The following LMTK3 variants were observed in gnomAD, a reference collection of about 807,000 sequenced individuals.
LMTK3 encodes the protein lemur tail kinase 3, also known as serine/threonine-protein kinase LMTK3.
A neutral mutation model predicts 116.7 loss-of-function variants in LMTK3; 27 were observed. That is an observed-to-expected ratio of 0.23 (90% CI 0.17 to 0.32). The LOEUF (loss-of-function observed/expected upper bound fraction) is 0.32. Ranked by LOEUF, LMTK3 falls within the 10% of genes least tolerant of loss-of-function variation. LMTK3 has a pLI of 1.00. For missense variants in LMTK3, 1,764 were observed against 2,068.5 expected (o/e 0.85, Z 2.86); for synonymous variants, 965 against 971.0 (o/e 0.99, Z 0.11).
chr19:48,501,499 C>T lies in LMTK3; in HGVS notation c.858G>A (p.Gly286=), dbSNP rs755314502. Reference sequence around the variant, plus strand: ...CTACCTTGTAGTTGCTGTGGGCCAGCCCGTAGTCTCCGATGCGCACGGTCA... The same window carrying T: ...CTACCTTGTAGTTGCTGTGGGCCAGTCCGTAGTCTCCGATGCGCACGGTCA... The part of the protein sequence containing the change: ...SDLTVRIGDY[G]LAHSNYKEDY... Residue 286 remains glycine (G), a synonymous_variant, in exon 8 of 15, where the codon GGG becomes GGA. Transcript: ENST00000600059. 9 of 1,612,320 alleles carry T rather than the reference C, an allele frequency of 5.6e-6. No individual in the cohort carries two copies. The South Asian group carries it at 9.9e-5, about 18-fold the overall frequency.
At chr19:48,510,373 C>T (rs1972635670) in intron 2 of LMTK3, 86 bp downstream of exon 2, 1 of 1,504,702 alleles carries the variant, frequency 6.6e-7, no homozygotes, top group Non-Finnish European at 8.9e-7. Context: ...ATTTACTGCC[C>T]CCTTCTCCCC....
intron 14 of LMTK3, among the ~76,000 whole-genome samples, chr19:48,488,754 T>C (rs1972168672): frequency 6.6e-6 from 1 of 150,850 alleles, no homozygotes; most frequent in South Asian, 2.1e-4. Context: ...TTTTTTTTTT[T>C]TTGAGATGGA....
Position 48,487,110 on chromosome 19 carries a change from A to G in LMTK3, c.4367-1321T>C, listed in dbSNP as rs535142501. Reference sequence around the variant, plus strand: ...AGTACAGTGGCACGATCTTGGCTCAATGCAACCTCCACCTCCCAGGTTCAA... The same window carrying G: ...AGTACAGTGGCACGATCTTGGCTCAGTGCAACCTCCACCTCCCAGGTTCAA... On this transcript the variant is annotated intron_variant, in intron 14 of 14. Transcript: ENST00000600059. Among the ~76,000 whole-genome samples, 253 of 146,072 alleles carry G rather than the reference A, an allele frequency of 1.7e-3. 1 individual carries two copies. Among genetic ancestry groups the G allele is most frequent in the African/African-American group, 6.2e-3 (242 of 39,138 alleles).
In LMTK3 at chr19:48,502,422, G is replaced by A. The variant is rs1385641034; in HGVS notation, c.794+11C>T. 4 of 1,582,416 alleles carry A rather than the reference G, an allele frequency of 2.5e-6. 1 individual carries two copies. The African/African-American group carries it at 5.4e-5, about 22-fold the overall frequency. On this transcript the variant is annotated intron_variant, in intron 7 of 14. Coordinates refer to ENST00000600059, the MANE Select transcript of LMTK3 (RefSeq NM_001388485.1). ...TTAGTAGCTCCTCCCGCGGCTCCCC[G>A]GCCCGCCCACCTGTGCACGTAGTTG...
rs1405224065 is a variant in LMTK3 at position 48,497,495 on chromosome 19, T to C, written c.3574A>G (p.Ser1192Gly). 2.7e-6 allele frequency: 4 copies of C among 1,469,052 alleles called. No homozygotes were observed. Among genetic ancestry groups the C allele is most frequent in the South Asian group, 1.4e-5 (1 of 69,270 alleles). The allele number at this position is 1,469,052 out of a possible 1,614,324, so 91.0% of individuals were successfully genotyped here. The change falls in exon 11 of 15, where the codon AGC (serine) becomes GGC (glycine). Residue 1192 changes from serine to glycine, a missense_variant. Coordinates refer to ENST00000600059, the MANE Select transcript of LMTK3 (RefSeq NM_001388485.1). The surrounding 1 kb of genome is among the most constrained non-coding windows in gnomAD (Gnocchi z 5.7). Reference sequence around the variant, plus strand: ...GGCTTGGGGGGGTCCCCGTCTCCGCTGAGTGCCGTGTCTCCGCCGGCCCTG... The same window carrying C: ...GGCTTGGGGGGGTCCCCGTCTCCGCCGAGTGCCGTGTCTCCGCCGGCCCTG... ...DSRAGGDTALSGDGDPPKPER... is the reference protein window; with the variant it reads ...DSRAGGDTALGGDGDPPKPER...
Position 48,498,834 on chromosome 19 carries a change from G to A in LMTK3, c.2235C>T (p.Pro745=), listed in dbSNP as rs542347341. Residue 745 remains proline (P), a synonymous_variant, in exon 11 of 15, where the codon CCC becomes CCT. Transcript: ENST00000600059. The stretch of plus-strand genomic sequence containing the variant: ...GGGGAGCGGGAGGTGGCCCCCGCCC[G>A]GGGTACTGGGGCGCCGCCGCCCCCA... ...PLMGAAAPQY[P]GRGPPPAPPP... 2 of 1,234,924 alleles carry A rather than the reference G, an allele frequency of 1.6e-6. No individual in the cohort carries two copies. The highest frequency in any genetic ancestry group is 1.6e-5 in the African/African-American group (1 of 61,882). The allele number at this position is 1,234,924 out of a possible 1,614,324, so 76.5% of individuals were successfully genotyped here.
chr19:48,509,881 C>A, intron 3 of LMTK3, 142 bp downstream of exon 3: 4 of 909,398 alleles, frequency 4.4e-6, no homozygotes, highest in Non-Finnish European at 6.5e-6. Context: ...TAGGCTGCTT[C>A]CAAGATTCCA....
intron 14 of LMTK3, among the ~76,000 whole-genome samples, chr19:48,490,104 C>T (rs1972196671): frequency 2.0e-5 from 3 of 152,202 alleles, no homozygotes; most frequent in Admixed American, 2.0e-4. Context: ...GCATGTGAAA[C>T]GCCAGGAAAG....
At position 48,493,983 on chromosome 19, in the gene LMTK3, G is replaced by T. The variant is rs1172273609; in HGVS notation, c.3803C>A (p.Ala1268Glu). ...CTCCTCCGCCGGCCCCGGCGCTCCC[G>T]CCCCGCCGGCCTCCCCGCCAGCCGC... ...AGAAGGEAGG[A>E]GAPGPAEEDG... The change falls in exon 12 of 15, where the codon GCG becomes GAG. Residue 1268 changes from alanine to glutamate, a missense_variant. Ala to Glu is a moderately radical substitution (Grantham distance 107). Around this residue, in one of 7 missense-constraint regions of LMTK3, gnomAD observed 281 missense variants for 301.4 expected, o/e 0.93. Coordinates refer to ENST00000600059, the MANE Select transcript of LMTK3 (RefSeq NM_001388485.1). The T allele has an allele frequency of 2.8e-6, 3 of 1,056,014 alleles. No homozygotes were observed. Among genetic ancestry groups the T allele is most frequent in the Non-Finnish European group, 3.4e-6 (3 of 879,510 alleles). 65.4% of individuals were successfully genotyped at this position (1,056,014 alleles called of 1,614,324 possible).
chr19:48,491,343 G>C lies in LMTK3; in HGVS notation c.4228+61C>G. ...CCGACCAAGCCCCTCCCACCCCATA[G>C]ACCCCGCCCCGTCCGCCCCATGGCT... On this transcript the variant is annotated intron_variant, in intron 13 of 14. Transcript: ENST00000600059. This position sits in a 1 kb window ranked among gnomAD's most constrained non-coding sequence, Gnocchi z 5.1. The C allele has an allele frequency of 4.2e-6, 3 of 719,506 alleles. No homozygotes were observed. The highest frequency in any genetic ancestry group is 5.7e-6 in the Non-Finnish European group (3 of 530,662). 44.6% of individuals were successfully genotyped at this position (719,506 alleles called of 1,614,324 possible).
chr19:48,511,649 G>T lies in LMTK3; in HGVS notation c.-73C>A. The T allele has an allele frequency of 1.6e-6, 1 of 630,854 alleles. No individual in the cohort carries two copies. Among genetic ancestry groups the T allele is most frequent in the Non-Finnish European group, 2.5e-6 (1 of 394,096 alleles). The allele number at this position is 630,854 out of a possible 1,614,324, so 39.1% of individuals were successfully genotyped here. ...GGGGGGGGCGGGCCCTCAGCCCCCAGCCATGGGGACCCGCGCGACCCTGGC... is the reference window on the plus strand; with the variant it reads ...GGGGGGGGCGGGCCCTCAGCCCCCATCCATGGGGACCCGCGCGACCCTGGC... On this transcript the variant is annotated 5_prime_UTR_variant, in exon 1 of 15. The change creates a new upstream start codon in the 5' untranslated region. Coordinates refer to ENST00000600059, the MANE Select transcript of LMTK3 (RefSeq NM_001388485.1).
rs397860073 is a variant in LMTK3 at position 48,490,524 on chromosome 19, C to CAAA, written c.4366+581_4366+583dup. ...TGGGCGACAGAGCGAGACTCCGTCT[C>CAAA]AAAAAAAAAAAAAAAAAAAAAAAAA... On this transcript the variant is annotated intron_variant, in intron 14 of 14. Coordinates refer to ENST00000600059, the MANE Select transcript of LMTK3 (RefSeq NM_001388485.1). Among the ~76,000 whole-genome samples, 429 of 47,966 alleles carry CAAA rather than the reference C, an allele frequency of 8.9e-3. 19 individuals carry two copies. Among genetic ancestry groups the CAAA allele is most frequent in the African/African-American group, 0.021 (278 of 12,990 alleles). 31.5% of individuals were successfully genotyped at this position (47,966 alleles called of 152,430 possible).
upstream of LMTK3, chr19:48,513,259 C>T: frequency 1.7e-6 from 2 of 1,172,194 alleles, no homozygotes; most frequent in Non-Finnish European, 2.5e-6. The surrounding 1 kb of genome is among the most constrained non-coding windows in gnomAD (Gnocchi z 5.6). Context: ...TGCCAGGTAT[C>T]GTCCGCAGCG....
At chr19:48,503,811 T>A (rs375387014) in intron 5 of LMTK3, among the ~76,000 whole-genome samples, 1 of 148,152 alleles carries the variant, frequency 6.7e-6, no homozygotes, top group East Asian at 1.9e-4. Flanking sequence ...CTCTCTCTCT[T>A]TTTTTTCCTT....
intron 4 of LMTK3, among the ~76,000 whole-genome samples, chr19:48,509,209 C>T (rs902826345): frequency 6.9e-6 from 1 of 144,672 alleles, no homozygotes; most frequent in East Asian, 2.3e-4. Flanking sequence ...AGCCGGGTGG[C>T]GCGGCGGAGT....
intron 4 of LMTK3, 65 bp downstream of exon 4, chr19:48,509,372 G>GGA: frequency 6.9e-7 from 1 of 1,442,644 alleles, no homozygotes. Context: ...GCAGGGGTGT[G>GGA]GACACAGAAC....
intron 14 of LMTK3, among the ~76,000 whole-genome samples, chr19:48,488,697 G>C (rs1218984896): frequency 1.3e-5 from 2 of 149,872 alleles, no homozygotes; most frequent in Non-Finnish European, 3.0e-5. Flanking sequence ...CCTTCACCTA[G>C]TTAATGACAA....
In LMTK3 at chr19:48,500,655, G is replaced by C. The variant is rs1203887824; in HGVS notation, c.1151+341C>G. Among the ~76,000 whole-genome samples the C allele has an allele frequency of 6.6e-6, 1 of 152,192 alleles. No homozygotes were observed. The highest frequency in any genetic ancestry group is 1.5e-5 in the Non-Finnish European group (1 of 68,032). ...GGTGGGGGGAAGATGCCCATAGAGA[G>C]AGGCTGACGGGACCTGGAGGCAGAG... On this transcript the variant is annotated intron_variant, in intron 10 of 14. Transcript: ENST00000600059. This position sits in a 1 kb window ranked among gnomAD's most constrained non-coding sequence, Gnocchi z 4.0.
intron 5 of LMTK3, among the ~76,000 whole-genome samples, chr19:48,505,729 C>T (rs1293723984): frequency 6.7e-6 from 1 of 150,230 alleles, no homozygotes; most frequent in African/African-American, 2.5e-5. Flanking sequence ...GGCTTGGTGG[C>T]ACATGCCTGT....
Sources: gnomAD v4.1 joint callset for allele counts (sites outside exome capture counted in the v4.1 genomes callset) on GRCh38, gnomAD v4.1.1 for gene constraint, gnomAD v4.1.1 regional missense constraint, Gnocchi (gnomAD v3.1) non-coding constraint, MANE v1.5 for transcripts, NCBI Gene and HGNC (gene_info 2026-07-23, HGNC 2026-07-21) for gene names.